Variants in EPB41L4A observed in about 807,000 individuals in gnomAD.
EPB41L4A encodes band 4.1-like protein 4A.
A neutral mutation model predicts 108.6 loss-of-function variants in EPB41L4A; 100 were observed. That is an observed-to-expected ratio of 0.92 (90% CI 0.78 to 1.09). The LOEUF is 1.09. Ranked by LOEUF, EPB41L4A falls within the 50% of genes least tolerant of loss-of-function variation. The pLI is 0.00. For missense variants in EPB41L4A, 1,030 were observed against 842.7 expected (o/e 1.22, Z -2.75); for synonymous variants, 319 against 289.0 (o/e 1.10, Z -1.05).
At chr5:112,180,610 A>C (rs1219649485) in intron 18 of EPB41L4A, among the ~76,000 whole-genome samples, 1 of 151,764 alleles carries the variant, frequency 6.6e-6, no homozygotes, top group Non-Finnish European at 1.5e-5. Context: ...AGAAAAAGAT[A>C]TAAGACTATC....
intron 11 of EPB41L4A, among the ~76,000 whole-genome samples, chr5:112,235,413 T>C (rs1749258976): frequency 6.6e-6 from 1 of 152,222 alleles, no homozygotes; most frequent in Non-Finnish European, 1.5e-5. Flanking sequence ...TCAGTGAACA[T>C]TCACCTTACT....
Position 112,234,560 on chromosome 5 carries a change from C to A in EPB41L4A, c.1087+74G>T, listed in dbSNP as rs201600015. 218 of 1,446,680 alleles carry A rather than the reference C, an allele frequency of 1.5e-4. No individual in the cohort carries two copies. The Middle Eastern group carries it at 2.7e-3, about 18-fold the overall frequency. The allele number at this position is 1,446,680 out of a possible 1,614,324, so 89.6% of individuals were successfully genotyped here. The stretch of plus-strand genomic sequence containing the variant: ...AAAGACTGTAGAGTTATAGACATCA[C>A]CTGAGTATATCTTACACTACCAGCC... On this transcript the variant is annotated intron_variant, in intron 12 of 22. Coordinates refer to ENST00000261486, the MANE Select transcript of EPB41L4A (RefSeq NM_022140.5).
intron 1 of EPB41L4A, among the ~76,000 whole-genome samples, chr5:112,406,600 CAG>C (rs1762087241): frequency 6.6e-6 from 1 of 151,928 alleles, no homozygotes; most frequent in African/African-American, 2.4e-5. Context: ...AGGAACAGAC[CAG>C]AGGCCTGAGA....
At chr5:112,317,862 T>C (rs571209828) in intron 1 of EPB41L4A, among the ~76,000 whole-genome samples, 190 of 152,304 alleles carry the variant, frequency 1.2e-3, no homozygotes, top group Non-Finnish European at 2.1e-3. Flanking sequence ...CACTTAATGG[T>C]AAACAGATAC....
intron 1 of EPB41L4A, among the ~76,000 whole-genome samples, chr5:112,414,182 G>A (rs10515444): frequency 0.12 from 18,109 of 152,106 alleles, 3,518 homozygotes; most frequent in African/African-American, 0.4. Context: ...TATGAAGCAC[G>A]TGTAAAGATA....
intron 12 of EPB41L4A, among the ~76,000 whole-genome samples, chr5:112,231,279 G>A (rs561459621): frequency 6.6e-6 from 1 of 152,114 alleles, no homozygotes; most frequent in African/African-American, 2.4e-5. Context: ...AGTAAGAAAA[G>A]CAAGTTGAAA....
intron 1 of EPB41L4A, among the ~76,000 whole-genome samples, chr5:112,414,714 C>T (rs1254091284): frequency 6.6e-6 from 1 of 152,224 alleles, no homozygotes; most frequent in African/African-American, 2.4e-5. Flanking sequence ...TATTAAATCA[C>T]ATTCAAGTCA....
rs1481965423 is a variant in EPB41L4A at position 112,259,950 on chromosome 5, T to C, written c.672A>G (p.Gly224=). Residue 224 remains glycine (G), a synonymous_variant, in exon 8 of 23, where the codon GGA becomes GGG. Transcript: ENST00000261486. ...ACACAACAACACCAACCGGAGTTAA[T>C]CCTAAGAAATACTCAGACTTGTTTT... The part of the protein sequence containing the change: ...YGENKSEYFL[G]LTPVGVVVYK... 1.2e-6 allele frequency: 2 copies of C among 1,613,950 alleles called. No homozygotes were observed. Among genetic ancestry groups the C allele is most frequent in the East Asian group, 2.2e-5 (1 of 44,876 alleles).
At chr5:112,330,706 T>C (rs1279583709) in intron 1 of EPB41L4A, among the ~76,000 whole-genome samples, 1 of 152,000 alleles carries the variant, frequency 6.6e-6, no homozygotes, top group African/African-American at 2.4e-5. Flanking sequence ...GCAACTGTGC[T>C]ATCCTGCCTC....
intron 9 of EPB41L4A, among the ~76,000 whole-genome samples, chr5:112,258,604 CAT>C (rs755965335): frequency 1.3e-5 from 2 of 152,200 alleles, no homozygotes; most frequent in Non-Finnish European, 2.9e-5. Flanking sequence ...GAAGCTTTCA[CAT>C]CCTTGCCTTC....
In EPB41L4A at chr5:112,266,314, G is replaced by C. The variant is rs1183868103; in HGVS notation, c.352C>G (p.Gln118Glu). Residue 118 changes from glutamine (Q) to glutamate (E), a missense_variant, in exon 5 of 23, where the codon CAG becomes GAG. Coordinates refer to ENST00000261486, the MANE Select transcript of EPB41L4A (RefSeq NM_022140.5). ...EEITRYQFFL[Q>E]VKQDVLQGRL... ...CCCTGAAGGACATCTTGCTTCACCT[G>C]CAAGAAAAACTGATATCTAAAAGAG... The C allele has an allele frequency of 6.2e-6, 10 of 1,602,016 alleles. No individual in the cohort carries two copies. Among genetic ancestry groups the C allele is most frequent in the Non-Finnish European group, 8.5e-6 (10 of 1,174,362 alleles).
Position 112,170,302 on chromosome 5 carries a change from CTATTT to C in EPB41L4A, c.1733_1737del (p.Lys578ArgfsTer5). 6.2e-7 allele frequency: 1 copy of C among 1,613,048 alleles called. No homozygotes were observed. The highest frequency in any genetic ancestry group is 8.5e-7 in the Non-Finnish European group (1 of 1,179,604). ...GAGAAGATTCTGAAAGGCACTCACT[CTATTT>C]TAGTGTATGGAATCTCTTTTAATTG... On this transcript the variant is annotated frameshift_variant and splice_region_variant, in exon 20 of 23. Coordinates refer to ENST00000261486, the MANE Select transcript of EPB41L4A (RefSeq NM_022140.5). LOFTEE classifies it high-confidence loss of function.
chr5:112,318,462 T>A (rs1345454905), intron 1 of EPB41L4A, among the ~76,000 whole-genome samples: 1 of 152,144 alleles, frequency 6.6e-6, no homozygotes, highest in Non-Finnish European at 1.5e-5. Context: ...TGGAGAGACC[T>A]TGAGAATACA....
intron 1 of EPB41L4A, among the ~76,000 whole-genome samples, chr5:112,309,381 C>G (rs1754901420): frequency 6.6e-6 from 1 of 152,116 alleles, no homozygotes; most frequent in Non-Finnish European, 1.5e-5. Context: ...CGTTAAGAAC[C>G]AGCTACCCAA....
intron 1 of EPB41L4A, among the ~76,000 whole-genome samples, chr5:112,352,420 CT>C (rs1758104935): frequency 6.6e-6 from 1 of 152,128 alleles, no homozygotes; most frequent in South Asian, 2.1e-4. Context: ...ATTTCCAAAG[CT>C]CCTCATGTTA....
intron 9 of EPB41L4A, among the ~76,000 whole-genome samples, chr5:112,245,423 C>G (rs1158020260): frequency 5.9e-5 from 9 of 152,084 alleles, no homozygotes; most frequent in Non-Finnish European, 1.5e-5. Flanking sequence ...AAATTTCTCC[C>G]AAGTCCAACT....
chr5:112,186,624 A>G (rs1409783547), intron 17 of EPB41L4A, among the ~76,000 whole-genome samples: 4 of 152,244 alleles, frequency 2.6e-5, no homozygotes, highest in African/African-American at 9.6e-5. Context: ...TATTCTAACA[A>G]GATGCATTAA....
downstream of EPB41L4A, chr5:112,158,496 G>T (rs1018750152): frequency 3.0e-6 from 1 of 330,140 alleles, no homozygotes; most frequent in Non-Finnish European, 6.1e-6. Flanking sequence ...TATGCTGGCT[G>T]CCCCAGTCCA....
intron 15 of EPB41L4A, among the ~76,000 whole-genome samples, chr5:112,196,202 C>A (rs1041118712): frequency 6.6e-6 from 1 of 152,136 alleles, no homozygotes; most frequent in South Asian, 2.1e-4. Flanking sequence ...GTTTACCACT[C>A]GCCATTTACT....
Sources: gnomAD v4.1 joint callset for allele counts (sites outside exome capture counted in the v4.1 genomes callset) on GRCh38, gnomAD v4.1.1 for gene constraint, MANE v1.5 for transcripts, NCBI Gene and HGNC (gene_info 2026-07-23, HGNC 2026-07-21) for gene names.